Variants in SNTG2 observed in about 807,000 individuals in gnomAD.
SNTG2 encodes the protein syntrophin gamma 2.
SNTG2 carries 74 observed loss-of-function variants against 70.9 expected under a neutral mutation model. That is an observed-to-expected ratio of 1.04 (90% CI 0.86 to 1.27). The LOEUF (loss-of-function observed/expected upper bound fraction) is 1.27. Ranked by LOEUF, SNTG2 falls within the 50% of genes most tolerant of loss-of-function variation. The probability of loss-of-function intolerance (pLI) is 0.00; values close to 1 mark genes in which losing one functional copy is unlikely to be tolerated. For missense variants in SNTG2, 717 were observed against 690.7 expected (o/e 1.04, Z -0.43); for synonymous variants, 278 against 273.8 (o/e 1.02, Z -0.15).
intron 1 of SNTG2, among the ~76,000 whole-genome samples, chr2:1,062,572 C>G (rs1662891781): frequency 6.6e-6 from 1 of 152,132 alleles, no homozygotes; most frequent in Admixed American, 6.6e-5. Flanking sequence ...AATATTGTAT[C>G]TCCAAAGTGT....
chr2:1,029,654 A>G (rs988644046), intron 1 of SNTG2, among the ~76,000 whole-genome samples: 2 of 152,162 alleles, frequency 1.3e-5, no homozygotes, highest in African/African-American at 4.8e-5. Context: ...GTCCCGTCTC[A>G]TTCCTTCCAG....
At chr2:1,100,091 A>G (rs984979134) in intron 4 of SNTG2, among the ~76,000 whole-genome samples, 1 of 152,196 alleles carries the variant, frequency 6.6e-6, no homozygotes, top group South Asian at 2.1e-4. Flanking sequence ...GTTGTAACCA[A>G]GATGGCGGGA....
At chr2:1,147,578 T>C (rs1669183599) in intron 6 of SNTG2, among the ~76,000 whole-genome samples, 1 of 152,232 alleles carries the variant, frequency 6.6e-6, no homozygotes, top group Non-Finnish European at 1.5e-5. Context: ...GACCTTGTGA[T>C]TGTGTGAGTT....
chr2:1,136,159 A>T (rs1267545791), intron 4 of SNTG2, among the ~76,000 whole-genome samples: 3 of 152,018 alleles, frequency 2.0e-5, no homozygotes, highest in Non-Finnish European at 4.4e-5. Context: ...TTAGCCTTTG[A>T]TTCCCTTAAA....
intron 8 of SNTG2, among the ~76,000 whole-genome samples, chr2:1,193,691 G>A (rs1312789639): frequency 2.0e-5 from 3 of 152,142 alleles, no homozygotes; most frequent in African/African-American, 7.2e-5. Context: ...GCATTTCTAG[G>A]CCTTGTTAGA....
intron 8 of SNTG2, among the ~76,000 whole-genome samples, chr2:1,205,668 T>G (rs1055260682): frequency 2.6e-5 from 4 of 152,200 alleles, no homozygotes; most frequent in African/African-American, 9.6e-5. Flanking sequence ...TCCAGGCAGC[T>G]CATGTGAACA....
chr2:1,008,694 T>G (rs898860726), intron 1 of SNTG2, among the ~76,000 whole-genome samples: 3 of 152,242 alleles, frequency 2.0e-5, no homozygotes, highest in African/African-American at 7.2e-5. Context: ...ATAGTTTTCA[T>G]TTTAGAAAAA....
At chr2:1,282,215 C>T (rs1458352216) in intron 14 of SNTG2, among the ~76,000 whole-genome samples, 1 of 152,234 alleles carries the variant, frequency 6.6e-6, no homozygotes, top group South Asian at 2.1e-4. Context: ...TCTTCCGCAG[C>T]GAAGTGAATT....
chr2:1,337,926 T>C (rs1232581283), intron 16 of SNTG2, among the ~76,000 whole-genome samples: 1 of 152,192 alleles, frequency 6.6e-6, no homozygotes, highest in Admixed American at 6.5e-5. Flanking sequence ...CAACCGGATA[T>C]CTAATTTTCC....
intron 1 of SNTG2, among the ~76,000 whole-genome samples, chr2:1,012,452 C>A (rs1382390453): frequency 6.6e-6 from 1 of 152,084 alleles, no homozygotes; most frequent in Admixed American, 6.5e-5. Context: ...CAGGCTTAAT[C>A]GATAGTCACA....
chr2:1,323,932 G>T (rs975837787), intron 16 of SNTG2, among the ~76,000 whole-genome samples: 2 of 148,790 alleles, frequency 1.3e-5, no homozygotes, highest in Non-Finnish European at 3.0e-5. Context: ...CCCAACCCAG[G>T]TTAGTCAGGG....
At chr2:1,235,596 G>A (rs1393939730) in intron 9 of SNTG2, among the ~76,000 whole-genome samples, 1 of 141,402 alleles carries the variant, frequency 7.1e-6, no homozygotes, top group African/African-American at 2.6e-5. Flanking sequence ...CCTGCCCCAC[G>A]CTGCCCTGAG....
intron 1 of SNTG2, among the ~76,000 whole-genome samples, chr2:1,077,085 G>A (rs1663966644): frequency 1.3e-5 from 2 of 152,100 alleles, no homozygotes; most frequent in Non-Finnish European, 2.9e-5. Flanking sequence ...CAGCTTCTCA[G>A]TATCACCTAT....
At chr2:1,297,635 C>T (rs971800453) in intron 14 of SNTG2, among the ~76,000 whole-genome samples, 7 of 152,286 alleles carry the variant, frequency 4.6e-5, no homozygotes, top group Non-Finnish European at 4.4e-5. Flanking sequence ...CCCAGCCTGG[C>T]GCATCCGCAG....
chr2:1,341,485 G>A (rs1660084359), intron 16 of SNTG2: 1 of 152,256 alleles, frequency 6.6e-6, no homozygotes, highest in African/African-American at 2.4e-5. Context: ...GGTTGTCTTG[G>A]CTGCAGACGA....
At chr2:1,259,485 G>A (rs1271463226) in intron 13 of SNTG2, 44 bp downstream of exon 13, 2 of 1,491,850 alleles carry the variant, frequency 1.3e-6, no homozygotes, top group Admixed American at 3.4e-5. Context: ...CAAATAAGAT[G>A]CCCTTTGGGC....
At chr2:1,247,830 T>C (rs1677524225) in intron 12 of SNTG2, among the ~76,000 whole-genome samples, 1 of 152,126 alleles carries the variant, frequency 6.6e-6, no homozygotes, top group South Asian at 2.1e-4. Flanking sequence ...TAAAAGCTTT[T>C]ATTCCCGGAT....
Position 1,237,889 on chromosome 2 carries a change from T to G in SNTG2, c.721T>G (p.Trp241Gly). Reference protein sequence around the residue: ...RYKAGTEKLRWNAFEVLALDG... With the variant: ...RYKAGTEKLRGNAFEVLALDG... ...CTGGACAGCTCTCTCCCTCCCCAGG[T>G]GGAATGCGTTCGAGGTGCTCGCCCT... The change falls in exon 10 of 17, where the codon TGG becomes GGG. Residue 241 changes from tryptophan (W) to glycine (G), a missense_variant and splice_region_variant. Transcript: ENST00000308624. The G allele has an allele frequency of 6.3e-7, 1 of 1,599,678 alleles. No individual in the cohort carries two copies. The highest frequency in any genetic ancestry group is 8.5e-7 in the Non-Finnish European group (1 of 1,173,562).
At chr2:956,621 C>T (rs35320231) in intron 1 of SNTG2, among the ~76,000 whole-genome samples, 26,433 of 152,176 alleles carry the variant, frequency 0.17, 2,696 homozygotes, top group Non-Finnish European at 0.23. Flanking sequence ...CCATCTCGGT[C>T]GGGCGTCTAG....
Sources: gnomAD v4.1 joint callset for allele counts (sites outside exome capture counted in the v4.1 genomes callset) on GRCh38, gnomAD v4.1.1 for gene constraint, MANE v1.5 for transcripts, NCBI Gene and HGNC (gene_info 2026-07-23, HGNC 2026-07-21) for gene names.